The following DNPEP variants were observed in gnomAD, a reference collection of about 807,000 sequenced individuals.
DNPEP encodes aspartyl aminopeptidase.
In DNPEP, 46 loss-of-function variants were observed where a neutral mutation model predicts 59.1. That is an observed-to-expected ratio of 0.78 (90% CI 0.61 to 0.99). The LOEUF is 0.99. Among genes scored for constraint, DNPEP ranks in the 50% least tolerant of loss-of-function variants. The pLI, the probability that DNPEP is intolerant of heterozygous loss-of-function variation, is 0.00. For missense variants in DNPEP, 617 were observed against 649.9 expected (o/e 0.95, Z 0.55); for synonymous variants, 229 against 242.2 (o/e 0.95, Z 0.50).
intron 1 of DNPEP, among the ~76,000 whole-genome samples, chr2:219,398,592 G>A (rs183321504): frequency 0.013 from 1,967 of 152,224 alleles, 30 homozygotes; most frequent in Middle Eastern, 0.024. Flanking sequence ...GGAGGTTGCA[G>A]TGAGCCGAGA....
chr2:219,386,080 G>A lies in DNPEP; in HGVS notation c.478C>T (p.Leu160=), dbSNP rs1299615734. 2 of 1,614,060 alleles carry A rather than the reference G, an allele frequency of 1.2e-6. No individual in the cohort carries two copies. The highest frequency in any genetic ancestry group is 1.7e-6 in the Non-Finnish European group (2 of 1,180,012). ...TCCACGTGCACCAGCTGCTGCTCCA[G>A]CCGACCTGAGGTAGGGCACTGCAGC... ...VIVKCPTSGR[L]EQQLVHVERP... is the part of the protein sequence containing the mutation. Residue 160 remains leucine, a synonymous_variant, in exon 6 of 15, where the codon CTG becomes TTG. Transcript: ENST00000273075.
Position 219,373,871 on chromosome 2 carries a change from A to C in DNPEP, c.*421T>G, listed in dbSNP as rs141094081. On this transcript the variant is annotated 3_prime_UTR_variant, in exon 15 of 15. Transcript: ENST00000273075. ...CTTTGTCTGCCCAGAGCAGCTCTGA[A>C]GGTGGCCCAGTGCAGAACAGGATCT... 6.3e-3 allele frequency: 1,202 copies of C among 189,766 alleles called. 8 individuals carry two copies. The highest frequency in any genetic ancestry group is 0.011 in the South Asian group (81 of 7,630). 11.8% of individuals were successfully genotyped at this position (189,766 alleles called of 1,614,324 possible).
At chr2:219,394,757 A>G (rs1210267862) in intron 1 of DNPEP, among the ~76,000 whole-genome samples, 1 of 152,246 alleles carries the variant, frequency 6.6e-6, no homozygotes, top group Non-Finnish European at 1.5e-5. Flanking sequence ...CATATATCCA[A>G]TTGTTTTTGC....
At chr2:219,392,902 G>A (rs779813796), upstream of DNPEP, among the ~76,000 whole-genome samples, 3 of 152,104 alleles carry the variant, frequency 2.0e-5, no homozygotes, top group Non-Finnish European at 4.4e-5. Context: ...TTCCACTGTT[G>A]TGCTCACTCC....
chr2:219,389,610 A>C (rs936939650), upstream of DNPEP, among the ~76,000 whole-genome samples: 1 of 151,772 alleles, frequency 6.6e-6, no homozygotes, highest in Admixed American at 6.6e-5. Flanking sequence ...CGGGTAGATC[A>C]CTTGAGGTCA....
At chr2:219,382,956 G>A (rs756928762) in intron 10 of DNPEP, among the ~76,000 whole-genome samples, 175 bp downstream of exon 10, 2 of 152,144 alleles carry the variant, frequency 1.3e-5, no homozygotes, top group African/African-American at 2.4e-5. Context: ...GGTCACCCTC[G>A]AATAAGCAGA....
chr2:219,399,927 G>C (rs1333751459), intron 1 of DNPEP: 1 of 1,550,466 alleles, frequency 6.4e-7, no homozygotes, highest in East Asian at 2.4e-5. Flanking sequence ...CCGAGCCATG[G>C]TGACCTGCTC....
chr2:219,399,402 G>A lies in DNPEP; in HGVS notation c.-158+538C>T, dbSNP rs766538020. On this transcript the variant is annotated intron_variant, in intron 1 of 6. Transcript: ENST00000434339. ...GCAGTGTTTAGGGTGCGAATCCCCC[G>A]GAGTGCTATTTAAAATGCAGATTCA... 82 of 456,924 alleles carry A rather than the reference G, an allele frequency of 1.8e-4. 1 individual carries two copies. Among genetic ancestry groups the A allele is most frequent in the Admixed American group, 6.1e-4 (26 of 42,584 alleles). 28.3% of individuals were successfully genotyped at this position (456,924 alleles called of 1,614,324 possible).
intron 2 of DNPEP, 31 bp downstream of exon 2, chr2:219,387,039 A>C: frequency 6.2e-7 from 1 of 1,611,642 alleles, no homozygotes; most frequent in Non-Finnish European, 8.5e-7. Flanking sequence ...ATCAGCCTCC[A>C]CCCTCCTCCC....
intron 13 of DNPEP, among the ~76,000 whole-genome samples, chr2:219,379,773 T>C (rs1003604550): frequency 1.3e-5 from 2 of 151,840 alleles, no homozygotes; most frequent in Non-Finnish European, 2.9e-5. Context: ...ATACAAAAAT[T>C]AGCCAGGCAT....
At position 219,385,744 on chromosome 2, in the gene DNPEP, G is replaced by T. The variant is rs774786551; in HGVS notation, c.591-38C>A. On this transcript the variant is annotated intron_variant, in intron 6 of 14. Transcript: ENST00000273075. ...GTGGGTTGTGGGGGGATTGCGAGGA[G>T]GGCACAGCTGAGTGCGGCATCCATA... 2.3e-5 allele frequency: 35 copies of T among 1,550,424 alleles called. No individual in the cohort carries two copies. In the Middle Eastern group the frequency reaches 5.4e-4, roughly 24 times the overall value.
chr2:219,388,767 A>C (rs556040835), upstream of DNPEP: 50 of 985,526 alleles, frequency 5.1e-5, no homozygotes, highest in South Asian at 2.2e-3. Context: ...CAATAAAAGC[A>C]ATAAGGCTAA....
intron 1 of DNPEP, 159 bp from the exon 2 acceptor site, chr2:219,387,322 G>C (rs1394899359): frequency 9.0e-6 from 13 of 1,443,994 alleles, no homozygotes; most frequent in Non-Finnish European, 1.1e-5. Context: ...ACCCAGGGCT[G>C]AAACTCCGTT....
At chr2:219,381,735 G>C (rs377726426) in intron 11 of DNPEP, 151 bp from the exon 12 acceptor site, 1 of 1,003,450 alleles carries the variant, frequency 1.0e-6, no homozygotes. Flanking sequence ...CAGGGTTCCG[G>C]GCAGCCTCTA....
At chr2:219,399,286 T>C (rs148680695) in intron 1 of DNPEP, among the ~76,000 whole-genome samples, 1 of 152,218 alleles carries the variant, frequency 6.6e-6, no homozygotes, top group African/African-American at 2.4e-5. Flanking sequence ...AATAAAAATA[T>C]CAAAGGCCAA....
intron 9 of DNPEP, among the ~76,000 whole-genome samples, 180 bp downstream of exon 9, chr2:219,384,186 T>C (rs1953713807): frequency 1.3e-5 from 2 of 152,232 alleles, no homozygotes; most frequent in Admixed American, 6.5e-5. Context: ...AGACCAAAGG[T>C]GGCGATGCTG....
At chr2:219,384,603 T>C in intron 8 of DNPEP, 160 bp from the exon 9 acceptor site, 2 of 555,688 alleles carry the variant, frequency 3.6e-6, no homozygotes, top group South Asian at 2.1e-5. Flanking sequence ...AGGTTCGCTC[T>C]TGTCGCCCAG....
chr2:219,373,791 C>CATTAAAAAA lies in DNPEP; in HGVS notation c.*500_*501insTTTTTTAAT. The CATTAAAAAA allele has an allele frequency of 6.2e-6, 1 of 161,468 alleles. No homozygotes were observed. Among genetic ancestry groups the CATTAAAAAA allele is most frequent in the South Asian group, 1.9e-4 (1 of 5,386 alleles). The allele number at this position is 161,468 out of a possible 1,614,324, so 10.0% of individuals were successfully genotyped here. ...GTGATAAGGTATAGACTGTGCCCTT[C>CATTAAAAAA]TCTTTGCAGCTCCTGAGAGGGGATG... is the stretch of plus-strand genomic sequence containing the variant. On this transcript the variant is annotated 3_prime_UTR_variant, in exon 15 of 15. Transcript: ENST00000273075.
At chr2:219,387,364 A>G in intron 1 of DNPEP, 1 of 1,441,516 alleles carries the variant, frequency 6.9e-7, no homozygotes, top group Non-Finnish European at 9.1e-7. Flanking sequence ...CAGGATCATG[A>G]GCCAGGCCCG....
Sources: allele counts gnomAD v4.1 joint callset (sites outside exome capture counted in the v4.1 genomes callset), GRCh38; gene constraint gnomAD v4.1.1; transcripts MANE v1.5; gene names NCBI Gene and HGNC (gene_info 2026-07-23, HGNC 2026-07-21).